The following AGBL1 variants were observed in gnomAD, a reference collection of about 807,000 sequenced individuals.
AGBL1 encodes the protein AGBL carboxypeptidase 1.
Under a neutral mutation model 118.9 loss-of-function variants are expected in AGBL1, and 130 were observed. The observed-to-expected ratio is 1.09, with a 90% confidence interval of 0.95 to 1.26. The LOEUF is 1.26. Ranked by LOEUF, AGBL1 falls within the 50% of genes most tolerant of loss-of-function variation. The pLI, the probability that AGBL1 is intolerant of heterozygous loss-of-function variation, is 0.00. For synonymous variants in AGBL1, 555 were observed against 478.9 expected, an observed-to-expected ratio of 1.16 and a Z score of -2.08; for missense variants, 1,584 against 1,298.1, an observed-to-expected ratio of 1.22 and a Z score of -3.38.
intron 18 of AGBL1, among the ~76,000 whole-genome samples, chr15:86,469,492 C>A (rs1277645861): frequency 6.6e-6 from 1 of 152,098 alleles, no homozygotes; most frequent in African/African-American, 2.4e-5. Flanking sequence ...TCCATGGACA[C>A]TTAGATTGAT....
chr15:86,830,145 C>G (rs186333617), intron 22 of AGBL1, among the ~76,000 whole-genome samples: 3 of 151,770 alleles, frequency 2.0e-5, no homozygotes, highest in African/African-American at 7.3e-5. Context: ...TGAGGTATAA[C>G]GCATATACTC....
At chr15:86,336,947 A>T (rs11858554) in intron 17 of AGBL1, among the ~76,000 whole-genome samples, 105,016 of 151,984 alleles carry the variant, frequency 0.69, 37,355 homozygotes, top group Non-Finnish European at 0.78. Context: ...GCACAGGAAG[A>T]TTGTCTGAAT....
chr15:86,273,410 G>A (rs1441334243), intron 15 of AGBL1, among the ~76,000 whole-genome samples: 1 of 152,194 alleles, frequency 6.6e-6, no homozygotes, highest in Non-Finnish European at 1.5e-5. Context: ...GAATGGATAA[G>A]ATTGCTACAT....
chr15:86,104,932 T>A (rs1384620720), intron 1 of AGBL1: 1 of 151,962 alleles, frequency 6.6e-6, no homozygotes, highest in Non-Finnish European at 1.5e-5. Flanking sequence ...GAGTCCATGG[T>A]GAGAATGTGG....
intron 6 of AGBL1, among the ~76,000 whole-genome samples, chr15:86,230,870 C>T (rs1260620192): frequency 6.6e-6 from 1 of 152,150 alleles, no homozygotes; most frequent in East Asian, 1.9e-4. Flanking sequence ...GCCCGGCTCC[C>T]ATCAATTAGC....
At chr15:86,592,824 GAC>G (rs1275077319) in intron 21 of AGBL1, among the ~76,000 whole-genome samples, 1 of 152,138 alleles carries the variant, frequency 6.6e-6, no homozygotes, top group East Asian at 1.9e-4. Context: ...ATTTTAGAGA[GAC>G]AGTATAACAC....
chr15:86,375,297 T>C (rs1270640904), intron 17 of AGBL1, among the ~76,000 whole-genome samples: 4 of 152,160 alleles, frequency 2.6e-5, no homozygotes, highest in African/African-American at 9.7e-5. Context: ...AGCAGGCACC[T>C]TCTTCACAAG....
At chr15:86,384,216 T>G (rs1253927256) in intron 17 of AGBL1, among the ~76,000 whole-genome samples, 1 of 152,172 alleles carries the variant, frequency 6.6e-6, no homozygotes, top group Non-Finnish European at 1.5e-5. Context: ...TCAGGAGCTT[T>G]CATGAGAACT....
chr15:86,892,436 C>A (rs2080065168), intron 22 of AGBL1, among the ~76,000 whole-genome samples: 2 of 152,144 alleles, frequency 1.3e-5, no homozygotes, highest in Admixed American at 6.6e-5. Flanking sequence ...TAGACCTTAT[C>A]TATAAATATT....
intron 22 of AGBL1, among the ~76,000 whole-genome samples, chr15:86,904,875 T>G (rs901533990): frequency 6.6e-6 from 1 of 152,130 alleles, no homozygotes; most frequent in Non-Finnish European, 1.5e-5. Context: ...CTTTATTGCA[T>G]GTCTAGTATG....
chr15:86,090,585 T>C (rs1895956512), intron 1 of AGBL1, among the ~76,000 whole-genome samples: 2 of 152,332 alleles, frequency 1.3e-5, no homozygotes, highest in South Asian at 2.1e-4. Context: ...GATAGTTATA[T>C]CATTTTTTAG....
chr15:86,976,367 G>T (rs770577492), intron 23 of AGBL1, among the ~76,000 whole-genome samples: 27 of 151,640 alleles, frequency 1.8e-4, no homozygotes, highest in Non-Finnish European at 3.4e-4. Context: ...CAAGTCATTA[G>T]ATGTTCTTTA....
chr15:86,912,823 A>G lies in AGBL1; in HGVS notation c.*5529A>G, dbSNP rs111629245. On this transcript the variant is annotated 3_prime_UTR_variant, in exon 23 of 23. Coordinates refer to ENST00000614907, the MANE Select transcript of AGBL1 (RefSeq NM_001386094.1). ...GATGGATTTGTTTTGCCTTGCTGGT[A>G]CAGCTCACCCCAGCTCCCCAAACTC... is the stretch of plus-strand genomic sequence containing the variant. The G allele has an allele frequency of 0.022, 3,402 of 152,280 alleles. 71 individuals are homozygous for G. Among genetic ancestry groups the G allele is most frequent in the Admixed American group, 0.063 (961 of 15,280 alleles). 9.4% of individuals were successfully genotyped at this position (152,280 alleles called of 1,614,324 possible).
chr15:86,361,841 C>T (rs2080810436), intron 17 of AGBL1, among the ~76,000 whole-genome samples: 1 of 152,054 alleles, frequency 6.6e-6, no homozygotes, highest in Non-Finnish European at 1.5e-5. Context: ...GTCCTTAAAG[C>T]TAAAGTGAGT....
chr15:86,725,840 G>C (rs1436537383), intron 22 of AGBL1, among the ~76,000 whole-genome samples: 1 of 152,180 alleles, frequency 6.6e-6, no homozygotes, highest in Non-Finnish European at 1.5e-5. Flanking sequence ...ACATACCAGT[G>C]ATTGCTGCAG....
chr15:86,201,077 A>G (rs1480397395), intron 5 of AGBL1, among the ~76,000 whole-genome samples: 1 of 152,186 alleles, frequency 6.6e-6, no homozygotes, highest in African/African-American at 2.4e-5. Context: ...AATGATACAC[A>G]TGCATAAATA....
chr15:86,463,995 G>A (rs2082365399), intron 18 of AGBL1, among the ~76,000 whole-genome samples: 1 of 152,172 alleles, frequency 6.6e-6, no homozygotes, highest in South Asian at 2.1e-4. Context: ...ATGGTGGCTT[G>A]ATGGGAATAG....
At chr15:87,006,925 CAG>C (rs1334351753) in intron 24 of AGBL1, among the ~76,000 whole-genome samples, 3 of 152,066 alleles carry the variant, frequency 2.0e-5, no homozygotes, top group Non-Finnish European at 2.9e-5. Context: ...AGGAGTGAGA[CAG>C]GGGGTTGAGC....
At chr15:86,132,418 C>T (rs1597436795) in intron 1 of AGBL1, among the ~76,000 whole-genome samples, 1 of 152,122 alleles carries the variant, frequency 6.6e-6, no homozygotes, top group Non-Finnish European at 1.5e-5. Flanking sequence ...ATTTCCTTGA[C>T]GACGGTGTGA....
Sources: allele counts gnomAD v4.1 joint callset (sites outside exome capture counted in the v4.1 genomes callset), GRCh38; gene constraint gnomAD v4.1.1; transcripts MANE v1.5; gene names NCBI Gene and HGNC (gene_info 2026-07-23, HGNC 2026-07-21).